CLASP1: variants seen among roughly 807,000 people sequenced by gnomAD.
CLASP1 encodes the protein CLIP-associating protein 1.
Under a neutral mutation model 192.3 loss-of-function variants are expected in CLASP1, and 38 were observed. The observed-to-expected ratio is 0.20, with a 90% confidence interval of 0.15 to 0.26. The LOEUF is 0.26. CLASP1 is among the 10% of genes least tolerant of loss of function. The pLI, the probability that CLASP1 is intolerant of heterozygous loss-of-function variation, is 1.00. For missense variants in CLASP1, 1,433 were observed against 1,932.5 expected, an observed-to-expected ratio of 0.74 and a Z score of 4.85; for synonymous variants, 691 against 712.8, an observed-to-expected ratio of 0.97 and a Z score of 0.49.
chr2:121,348,366 T>G, intron 38 of CLASP1, 146 bp downstream of exon 39: 1 of 656,722 alleles, frequency 1.5e-6, no homozygotes, highest in East Asian at 2.7e-5. Context: ...GGCTGTGAAG[T>G]GTCCCTGCCA....
chr2:121,570,687 G>A (rs2059904969), intron 2 of CLASP1, among the ~76,000 whole-genome samples: 1 of 152,078 alleles, frequency 6.6e-6, no homozygotes, highest in Non-Finnish European at 1.5e-5. Flanking sequence ...TCCTTCACTG[G>A]GACCCTGTAT....
At chr2:121,454,978 G>T (rs892686389) in intron 14 of CLASP1, among the ~76,000 whole-genome samples, 2 of 152,188 alleles carry the variant, frequency 1.3e-5, no homozygotes, top group Non-Finnish European at 2.9e-5. Flanking sequence ...AGTCAAACGA[G>T]TAAGTGGGAG....
intron 1 of CLASP1, among the ~76,000 whole-genome samples, chr2:121,610,705 AAGG>A (rs1466076714): frequency 1.3e-4 from 6 of 45,546 alleles, no homozygotes; most frequent in African/African-American, 4.5e-4. Context: ...GGAACTGGAG[AAGG>A]AGGAGGAGGA....
intron 1 of CLASP1, among the ~76,000 whole-genome samples, chr2:121,632,995 T>G (rs1239072916): frequency 6.9e-6 from 1 of 144,396 alleles, no homozygotes; most frequent in African/African-American, 2.7e-5. Context: ...TGTATATATA[T>G]GTATGTGTGT....
rs114475108 is a variant in CLASP1 at position 121,426,719 on chromosome 2, A to C, written c.2044+685T>G. On this transcript the variant is annotated intron_variant, in intron 21 of 39. Transcript: ENST00000263710. ...TCTGAGAAGTATGCAATAAAACTGGAAATTAAAAACAAATAATATGGCTGA... is the reference window on the plus strand; with the variant it reads ...TCTGAGAAGTATGCAATAAAACTGGCAATTAAAAACAAATAATATGGCTGA... Among the ~76,000 whole-genome samples the C allele has an allele frequency of 4.9e-3, 749 of 152,332 alleles. 9 individuals carry two copies. Among genetic ancestry groups the C allele is most frequent in the African/African-American group, 0.017 (726 of 41,588 alleles).
At chr2:121,515,592 C>T in intron 7 of CLASP1, 73 bp downstream of exon 7, 3 of 991,686 alleles carry the variant, frequency 3.0e-6, no homozygotes, top group Non-Finnish European at 4.4e-6. Context: ...TATTGCAAAT[C>T]AAGATATTAA....
intron 30 of CLASP1, among the ~76,000 whole-genome samples, chr2:121,395,487 G>A (rs2075127598): frequency 6.6e-6 from 1 of 152,126 alleles, no homozygotes; most frequent in Admixed American, 6.5e-5. Context: ...TGCAGGGTGA[G>A]CAAAACAGTC....
At chr2:121,425,069 A>T in intron 22 of CLASP1, 70 bp downstream of exon 22, 2 of 1,410,882 alleles carry the variant, frequency 1.4e-6, no homozygotes, top group Non-Finnish European at 9.7e-7. Context: ...CATTAGACAT[A>T]GTCATTAGAT....
intron 2 of CLASP1, among the ~76,000 whole-genome samples, chr2:121,580,262 CA>C (rs1392678331): frequency 6.6e-6 from 1 of 152,140 alleles, no homozygotes; most frequent in African/African-American, 2.4e-5. Context: ...CTTTTTACAA[CA>C]AATCTTTTAT....
At chr2:121,398,042 A>G (rs532172519) in intron 29 of CLASP1, among the ~76,000 whole-genome samples, 3 of 152,366 alleles carry the variant, frequency 2.0e-5, no homozygotes, top group Non-Finnish European at 2.9e-5. Context: ...GTGAGGATGC[A>G]GCAAAACTAG....
intron 16 of CLASP1, among the ~76,000 whole-genome samples, chr2:121,450,573 A>T (rs2085275301): frequency 6.6e-6 from 1 of 152,222 alleles, no homozygotes; most frequent in African/African-American, 2.4e-5. Context: ...AAGATTTTTC[A>T]TGGTAAATCA....
In CLASP1 at chr2:121,341,343, G is replaced by C. The variant is rs539048252; in HGVS notation, c.4531-396C>G. On this transcript the variant is annotated intron_variant, in intron 39 of 39. Transcript: ENST00000263710. ...GCAGGGTGAGAACCCCGCTCCACAG[G>C]GGGGAAGTGGCTGGGCCAAGGTCAG... Among the ~76,000 whole-genome samples, 107 of 152,334 alleles carry C rather than the reference G, an allele frequency of 7.0e-4. 1 individual carries two copies. Among genetic ancestry groups the C allele is most frequent in the Non-Finnish European group, 1.2e-3 (84 of 68,040 alleles).
At chr2:121,647,552 T>C (rs2073398147) in intron 1 of CLASP1, among the ~76,000 whole-genome samples, 2 of 152,144 alleles carry the variant, frequency 1.3e-5, no homozygotes, top group African/African-American at 2.4e-5. Context: ...TTAAAGAGAT[T>C]CTATCCCACT....
At chr2:121,340,115 T>A (rs2062645168) in exon 40 of CLASP1, 1 of 152,238 alleles carries the variant, frequency 6.6e-6, no homozygotes, top group Non-Finnish European at 1.5e-5. Context: ...ACATTTATCT[T>A]ATTTTTGTGT....
At position 121,409,014 on chromosome 2, in the gene CLASP1, G is replaced by A. The variant is rs116768344; in HGVS notation, c.2425-1299C>T. ...ATAAAGTTGTAAAACAAAAGTTAAA[G>A]GACTGGTACCTTGCTCCTGGAGTCT... On this transcript the variant is annotated intron_variant, in intron 24 of 39. Coordinates refer to ENST00000263710, the Ensembl canonical transcript of CLASP1. The A allele has an allele frequency of 8.6e-4, 1,343 of 1,559,960 alleles. 13 individuals are homozygous for A. The African/African-American group carries it at 0.017, about 19-fold the overall frequency.
intron 2 of CLASP1, among the ~76,000 whole-genome samples, chr2:121,575,835 C>T (rs149677173): frequency 9.9e-5 from 15 of 152,252 alleles, no homozygotes; most frequent in Non-Finnish European, 1.8e-4. Flanking sequence ...GTGTAAATAT[C>T]CAGGCTCAAG....
At chr2:121,515,718 A>T in exon 7 of CLASP1, 1 of 1,613,932 alleles carries the variant, frequency 6.2e-7, no homozygotes, top group Non-Finnish European at 8.5e-7. Flanking sequence ...GTTCTCCTAC[A>T]TGTCTGTAAA....
intron 2 of CLASP1, among the ~76,000 whole-genome samples, chr2:121,588,426 A>G (rs2061985695): frequency 1.3e-5 from 2 of 152,202 alleles, no homozygotes; most frequent in Admixed American, 6.5e-5. Context: ...TAGTATAATC[A>G]CTAAGGATAA....
At chr2:121,411,023 T>C (rs1466039174) in intron 23 of CLASP1, 54 bp from the exon 25 acceptor site, 3 of 1,190,144 alleles carry the variant, frequency 2.5e-6, no homozygotes, top group African/African-American at 3.0e-5. Context: ...ATTATTTCAA[T>C]TCCTTGCAAG....
Sources: allele counts gnomAD v4.1 joint callset (sites outside exome capture counted in the v4.1 genomes callset), GRCh38; gene constraint gnomAD v4.1.1; transcripts MANE v1.5; gene names NCBI Gene and HGNC (gene_info 2026-07-23, HGNC 2026-07-21).